Variants in PIK3R5 observed in about 807,000 individuals in gnomAD.
PIK3R5 encodes phosphoinositide 3-kinase regulatory subunit 5.
PIK3R5 carries 32 observed loss-of-function variants against 94.9 expected under a neutral mutation model. The ratio of observed to expected loss-of-function variants is 0.34; its 90% CI spans 0.25 to 0.45. The LOEUF (loss-of-function observed/expected upper bound fraction) is 0.45. PIK3R5 is among the 20% of genes least tolerant of loss of function. The probability of loss-of-function intolerance (pLI) is 1.00; values close to 1 mark genes in which losing one functional copy is unlikely to be tolerated. For missense variants in PIK3R5, 853 were observed against 1,144.6 expected (o/e 0.75, Z 3.68); for synonymous variants, 443 against 479.4 (o/e 0.92, Z 0.99).
chr17:8,942,500 G>A (rs1168327633), intron 1 of PIK3R5, among the ~76,000 whole-genome samples: 1 of 152,208 alleles, frequency 6.6e-6, no homozygotes, highest in Non-Finnish European at 1.5e-5. Flanking sequence ...GACAGGGGCA[G>A]GTTCAAAAGA....
rs371960937 is a variant in PIK3R5 at position 8,911,388 on chromosome 17, C to T, written c.103+4G>A. On this transcript the variant is annotated splice_donor_region_variant and intron_variant, in intron 2 of 18. Transcript: ENST00000447110. The surrounding 1 kb of genome is among the most constrained non-coding windows in gnomAD (Gnocchi z 5.3). ...AAACACCTCCCCGGCTCCCTTGGAC[C>T]GACCTGACCAGGAGGTGGAGCGGCG... is the stretch of plus-strand genomic sequence containing the variant. 6.2e-5 allele frequency: 99 copies of T among 1,598,666 alleles called. No individual in the cohort carries two copies. In the Admixed American group the frequency reaches 1.3e-3, roughly 22 times the overall value.
intron 5 of PIK3R5, among the ~76,000 whole-genome samples, chr17:8,895,974 C>T (rs2090144060): frequency 6.6e-6 from 1 of 152,142 alleles, no homozygotes; most frequent in Non-Finnish European, 1.5e-5. Context: ...TGGTAATGGA[C>T]CTCCCTGCTT....
At chr17:8,934,360 CA>C (rs2091036389) in intron 1 of PIK3R5, among the ~76,000 whole-genome samples, 1 of 151,966 alleles carries the variant, frequency 6.6e-6, no homozygotes, top group Non-Finnish European at 1.5e-5. Flanking sequence ...GGGAATTTAC[CA>C]AAGAATGTGG....
chr17:8,909,264 A>G lies in PIK3R5; in HGVS notation c.104-90T>C, dbSNP rs1325858259. ...TGTAAAGAAGGGGCATTTATGCTGG[A>G]ACATTTTTCTGTGGTATTGCACTGG... is the stretch of plus-strand genomic sequence containing the variant. On this transcript the variant is annotated intron_variant, in intron 2 of 18. Transcript: ENST00000447110. The surrounding 1 kb of genome is among the most constrained non-coding windows in gnomAD (Gnocchi z 4.3). The G allele has an allele frequency of 5.4e-6, 4 of 746,322 alleles. No homozygotes were observed. The highest frequency in any genetic ancestry group is 6.8e-6 in the Non-Finnish European group (3 of 438,214). 46.2% of individuals were successfully genotyped at this position (746,322 alleles called of 1,614,324 possible).
chr17:8,946,206 C>G (rs1426239024), intron 1 of PIK3R5, among the ~76,000 whole-genome samples: 1 of 151,974 alleles, frequency 6.6e-6, no homozygotes, highest in African/African-American at 2.4e-5. Flanking sequence ...GGTGTGACTG[C>G]CAGCCCCTTA....
Position 8,888,559 on chromosome 17 carries a change from C to T in PIK3R5, c.1228G>A (p.Glu410Lys), listed in dbSNP as rs771442892. The T allele has an allele frequency of 6.2e-7, 1 of 1,612,104 alleles. No homozygotes were observed. The highest frequency in any genetic ancestry group is 1.1e-5 in the South Asian group (1 of 90,954). ...CCAGGCCTGCGGTGGCCTCGGCGTT[C>T]CTGGCTGCCACGCCTCCAAGGCCAC... ...SEWPWRRGSQ[E>K]RRGHRRPGQK... The change falls in exon 10 of 19, where the codon GAA becomes AAA. Residue 410 changes from glutamate (E) to lysine (K), a missense_variant. This residue lies in a region of PIK3R5 where 319 missense variants were observed against 339.8 expected (regional missense o/e 0.94). Transcript: ENST00000447110. The surrounding 1 kb of genome is among the most constrained non-coding windows in gnomAD (Gnocchi z 7.8).
Position 8,882,279 on chromosome 17 carries a change from T to C in PIK3R5, c.2206-398A>G, listed in dbSNP as rs2089689089. The stretch of plus-strand genomic sequence containing the variant: ...GTCTCTGTCATCAGGGACCTCCATG[T>C]TGTTAAACCGAAGAACACTTCTTGG... On this transcript the variant is annotated intron_variant, in intron 15 of 18. Transcript: ENST00000447110. This position sits in a 1 kb window ranked among gnomAD's most constrained non-coding sequence, Gnocchi z 4.1. The C allele has an allele frequency of 4.7e-6, 1 of 214,348 alleles. No homozygotes were observed. Among genetic ancestry groups the C allele is most frequent in the Non-Finnish European group, 9.6e-6 (1 of 104,002 alleles). The allele number at this position is 214,348 out of a possible 1,614,324, so 13.3% of individuals were successfully genotyped here. A position where few individuals can be genotyped will look rare whatever the true frequency, so the allele number is the denominator to read the frequency against.
At position 8,879,405 on chromosome 17, in the gene PIK3R5, C is replaced by G. The variant is rs932310645; in HGVS notation, c.*1234G>C. ...ATTTCCCATGCACCAGTCCCATTTC[C>G]CCTGAGTCGGGCACTAAGCTCTGTG... On this transcript the variant is annotated 3_prime_UTR_variant, in exon 19 of 19. Coordinates refer to ENST00000447110, the MANE Select transcript of PIK3R5 (RefSeq NM_001142633.3). The surrounding 1 kb of genome is among the most constrained non-coding windows in gnomAD (Gnocchi z 4.4). 1 of 152,240 alleles carries G rather than the reference C, an allele frequency of 6.6e-6. No homozygotes were observed. The highest frequency in any genetic ancestry group is 6.5e-5 in the Admixed American group (1 of 15,270). The allele number at this position is 152,240 out of a possible 1,614,324, so 9.4% of individuals were successfully genotyped here.
intron 1 of PIK3R5, among the ~76,000 whole-genome samples, chr17:8,962,015 C>A (rs979865640): frequency 6.6e-6 from 1 of 152,334 alleles, no homozygotes; most frequent in East Asian, 1.9e-4. Flanking sequence ...TTCATGCCCC[C>A]AAATTGTGTT....
intron 6 of PIK3R5, among the ~76,000 whole-genome samples, chr17:8,891,529 C>T (rs969106375): frequency 1.3e-5 from 2 of 152,096 alleles, no homozygotes; most frequent in Non-Finnish European, 2.9e-5. Flanking sequence ...TGCTACCTCC[C>T]TTCCCGATGG....
intron 1 of PIK3R5, among the ~76,000 whole-genome samples, chr17:8,960,646 T>A (rs557840725): frequency 5.3e-4 from 81 of 152,358 alleles, no homozygotes; most frequent in Middle Eastern, 3.4e-3. Context: ...GAGAGGTACA[T>A]GGACTTAGCA....
chr17:8,918,646 T>C (rs979098516), intron 1 of PIK3R5, among the ~76,000 whole-genome samples: 2 of 152,198 alleles, frequency 1.3e-5, no homozygotes, highest in African/African-American at 4.8e-5. Context: ...GTAGATCCAC[T>C]GATGAATGCT....
intron 1 of PIK3R5, among the ~76,000 whole-genome samples, chr17:8,936,140 A>G (rs893683693): frequency 1.3e-5 from 2 of 152,078 alleles, no homozygotes; most frequent in African/African-American, 4.8e-5. Flanking sequence ...TTATAGAAAT[A>G]TTAAAGTACA....
At position 8,890,730 on chromosome 17, in the gene PIK3R5, G is replaced by T. The variant is rs143339468; in HGVS notation, c.657+8C>A. ...GCTCCACCAGAGCCCCAGGCCCCAG[G>T]TACATACCTGTAGCCTGCAGTGCAG... is the stretch of plus-strand genomic sequence containing the variant. On this transcript the variant is annotated splice_region_variant and intron_variant, in intron 7 of 18. Coordinates refer to ENST00000447110, the MANE Select transcript of PIK3R5 (RefSeq NM_001142633.3). The surrounding 1 kb of genome is among the most constrained non-coding windows in gnomAD (Gnocchi z 6.1). 3 of 1,602,346 alleles carry T rather than the reference G, an allele frequency of 1.9e-6. No individual in the cohort carries two copies. Among genetic ancestry groups the T allele is most frequent in the Non-Finnish European group, 2.6e-6 (3 of 1,174,868 alleles).
At chr17:8,885,047 C>A (rs2089781588) in intron 14 of PIK3R5, 1 of 476,494 alleles carries the variant, frequency 2.1e-6, no homozygotes, top group Non-Finnish European at 3.9e-6. Context: ...AGGGCCCCAT[C>A]TCCGCTGTGA....
chr17:8,902,319 G>A (rs551966929), intron 5 of PIK3R5, among the ~76,000 whole-genome samples: 1 of 130,148 alleles, frequency 7.7e-6, no homozygotes, highest in African/African-American at 3.0e-5. Context: ...GCAATGGCAC[G>A]ATCTTGACTC....
At chr17:8,931,066 T>C (rs1434613840) in intron 1 of PIK3R5, among the ~76,000 whole-genome samples, 1 of 152,182 alleles carries the variant, frequency 6.6e-6, no homozygotes, top group Non-Finnish European at 1.5e-5. Flanking sequence ...TATTATTTCA[T>C]AGAATGACAT....
chr17:8,943,063 C>A (rs1308721394), intron 1 of PIK3R5, among the ~76,000 whole-genome samples: 2 of 151,432 alleles, frequency 1.3e-5, no homozygotes, highest in Non-Finnish European at 2.9e-5. Flanking sequence ...TCAGCTTGAA[C>A]CTTTTTCTTT....
chr17:8,897,047 C>T (rs868138409), intron 5 of PIK3R5, among the ~76,000 whole-genome samples: 4 of 152,206 alleles, frequency 2.6e-5, no homozygotes, highest in African/African-American at 9.7e-5. Context: ...GTTTCTCTTA[C>T]ACTTCCCTCC....
Sources: gnomAD v4.1 joint callset for allele counts (sites outside exome capture counted in the v4.1 genomes callset) on GRCh38, gnomAD v4.1.1 for gene constraint, gnomAD v4.1.1 regional missense constraint, Gnocchi (gnomAD v3.1) non-coding constraint, MANE v1.5 for transcripts, NCBI Gene and HGNC (gene_info 2026-07-23, HGNC 2026-07-21) for gene names.